The following MKLN1 variants were observed in gnomAD, a reference collection of about 807,000 sequenced individuals.
The protein encoded by MKLN1 is muskelin 1.
A neutral mutation model predicts 99.0 loss-of-function variants in MKLN1; 18 were observed. The ratio of observed to expected loss-of-function variants is 0.18; its 90% CI spans 0.13 to 0.27. MKLN1 has a LOEUF of 0.27. MKLN1 is among the 10% of genes least tolerant of loss of function. MKLN1 has a pLI of 1.00. For synonymous variants in MKLN1, 288 were observed against 293.2 expected, an observed-to-expected ratio of 0.98 and a Z score of 0.18; for missense variants, 621 against 875.9, an observed-to-expected ratio of 0.71 and a Z score of 3.67.
At position 131,492,891 on chromosome 7, in the gene MKLN1, G is replaced by A. The variant is rs1037502582; in HGVS notation, c.*5163G>A. 6.6e-6 allele frequency: 1 copy of A among 152,182 alleles called. No individual in the cohort carries two copies. Among genetic ancestry groups the A allele is most frequent in the African/African-American group, 2.4e-5 (1 of 41,442 alleles). 9.4% of individuals were successfully genotyped at this position (152,182 alleles called of 1,614,324 possible). ...ATAGTAAATTAGTTTCTCTAGTGGT[G>A]CAGAGAGAAATGCCATCGGGGAAAT... On this transcript the variant is annotated 3_prime_UTR_variant, in exon 18 of 18. Coordinates refer to ENST00000352689, the MANE Select transcript of MKLN1 (RefSeq NM_013255.5).
chr7:131,123,524 A>G (rs977767271), intron 1 of MKLN1, among the ~76,000 whole-genome samples: 1 of 152,228 alleles, frequency 6.6e-6, no homozygotes. Flanking sequence ...ACAAAGTACA[A>G]ATAAAAATAG....
At chr7:131,180,827 A>G (rs1272808261) in intron 2 of MKLN1, among the ~76,000 whole-genome samples, 3 of 152,186 alleles carry the variant, frequency 2.0e-5, no homozygotes, top group Non-Finnish European at 4.4e-5. Flanking sequence ...ACTGGTAAAC[A>G]TTTTCATAAA....
intron 3 of MKLN1, among the ~76,000 whole-genome samples, chr7:131,318,608 G>A (rs909854509): frequency 2.0e-5 from 3 of 152,180 alleles, no homozygotes; most frequent in East Asian, 3.9e-4. Flanking sequence ...TAAGATCAAA[G>A]CAGAACTGAA....
intron 1 of MKLN1, among the ~76,000 whole-genome samples, chr7:131,353,355 T>A (rs967517526): frequency 1.6e-4 from 25 of 152,172 alleles, no homozygotes; most frequent in African/African-American, 5.5e-4. Flanking sequence ...TGGCTAGTAA[T>A]GTTGCACATC....
At chr7:131,482,268 C>T (rs1797145493) in intron 17 of MKLN1, among the ~76,000 whole-genome samples, 2 of 152,276 alleles carry the variant, frequency 1.3e-5, no homozygotes, top group South Asian at 4.1e-4. Context: ...AGTCATGGCT[C>T]ACTGCAGCCT....
At chr7:131,172,594 C>A (rs556823840) in intron 2 of MKLN1, among the ~76,000 whole-genome samples, 2 of 152,140 alleles carry the variant, frequency 1.3e-5, no homozygotes, top group Non-Finnish European at 2.9e-5. Flanking sequence ...GGATTACAGG[C>A]GTGAGCCACC....
chr7:131,193,868 C>T (rs975627523), intron 2 of MKLN1, among the ~76,000 whole-genome samples: 2 of 151,268 alleles, frequency 1.3e-5, no homozygotes, highest in African/African-American at 2.4e-5. Flanking sequence ...GCTCAAGCAA[C>T]CCTCCCACCC....
At chr7:131,153,592 T>A (rs60071283) in intron 2 of MKLN1, among the ~76,000 whole-genome samples, 8,669 of 151,616 alleles carry the variant, frequency 0.057, 324 homozygotes, top group East Asian at 0.23. Flanking sequence ...AATGGAGGAC[T>A]GGTTGAATAA....
At position 131,437,836 on chromosome 7, in the gene MKLN1, A is replaced by G. The variant is rs1795719142; in HGVS notation, c.1012A>G (p.Arg338Gly). 6 of 1,613,630 alleles carry G rather than the reference A, an allele frequency of 3.7e-6. No homozygotes were observed. The African/African-American group carries it at 8.0e-5, about 22-fold the overall frequency. Residue 338 changes from arginine to glycine, a missense_variant, in exon 10 of 18, where the codon AGG becomes GGG. This residue lies in a region of MKLN1 where 361 missense variants were observed against 540.8 expected (regional missense o/e 0.67). Coordinates refer to ENST00000352689, the MANE Select transcript of MKLN1 (RefSeq NM_013255.5). Reference sequence around the variant, plus strand: ...TAAAATGTGCATTGATATTCAACGGAGGCAAATCTACACATTGGGGCGTTA... The same window carrying G: ...TAAAATGTGCATTGATATTCAACGGGGGCAAATCTACACATTGGGGCGTTA... ...CHKMCIDIQRRQIYTLGRYLD... is the reference protein window; with the variant it reads ...CHKMCIDIQRGQIYTLGRYLD...
intron 3 of MKLN1, 106 bp downstream of exon 3, chr7:131,387,368 A>T: frequency 9.4e-7 from 1 of 1,066,930 alleles, no homozygotes; most frequent in Non-Finnish European, 1.3e-6. Context: ...AGGAGAAAAG[A>T]GTATTCCTTC....
At chr7:131,279,421 G>A (rs1388883928) in intron 3 of MKLN1, among the ~76,000 whole-genome samples, 1 of 152,144 alleles carries the variant, frequency 6.6e-6, no homozygotes, top group Non-Finnish European at 1.5e-5. Flanking sequence ...AACAGTAATT[G>A]AACTAGAATT....
chr7:131,470,991 G>A (rs778806388), intron 16 of MKLN1, 47 bp downstream of exon 16: 1 of 1,332,246 alleles, frequency 7.5e-7, no homozygotes, highest in Non-Finnish European at 1.1e-6. Context: ...ATTTTTAAAT[G>A]TCTTCCTAAC....
chr7:131,227,797 C>G (rs1797179605), intron 3 of MKLN1, among the ~76,000 whole-genome samples: 1 of 152,038 alleles, frequency 6.6e-6, no homozygotes, highest in Non-Finnish European at 1.5e-5. Context: ...AACTCCTGGC[C>G]TCAAGGAATC....
chr7:131,204,694 G>A lies in MKLN1; in HGVS notation c.-179+1720G>A, dbSNP rs143819962. 2.2e-3 allele frequency among the ~76,000 whole-genome samples: 337 copies of A among 152,208 alleles called. 2 individuals are homozygous for A. Among genetic ancestry groups the A allele is most frequent in the Middle Eastern group, 0.01 (3 of 294 alleles). On this transcript the variant is annotated intron_variant, in intron 3 of 7. Coordinates refer to the MKLN1 transcript ENST00000416992. ...AAAATACAAACATTAGGCCGGGCGC[G>A]GTGGCTCATGCCTGTAATCCCAGCA...
At chr7:131,112,521 G>C (rs1426125585) in intron 1 of MKLN1, among the ~76,000 whole-genome samples, 1 of 152,160 alleles carries the variant, frequency 6.6e-6, no homozygotes. Flanking sequence ...GGAAGCAACA[G>C]GATAAGAGTT....
chr7:131,468,157 T>G (rs1297425574), intron 15 of MKLN1, among the ~76,000 whole-genome samples: 1 of 152,172 alleles, frequency 6.6e-6, no homozygotes, highest in Non-Finnish European at 1.5e-5. Context: ...CCAACAGAAT[T>G]TCTTGATGGA....
At chr7:131,181,366 T>G (rs1209041733) in intron 2 of MKLN1, among the ~76,000 whole-genome samples, 1 of 152,172 alleles carries the variant, frequency 6.6e-6, no homozygotes, top group Non-Finnish European at 1.5e-5. Flanking sequence ...TAAAATGTAT[T>G]GGTATTTAGT....
intron 1 of MKLN1, among the ~76,000 whole-genome samples, chr7:131,140,703 C>A (rs1376768360): frequency 6.6e-6 from 1 of 152,044 alleles, no homozygotes; most frequent in Non-Finnish European, 1.5e-5. Context: ...CCAAATAAAC[C>A]TTTTTTCTTT....
At chr7:131,390,044 C>T (rs746463393) in intron 4 of MKLN1, among the ~76,000 whole-genome samples, 1 of 152,072 alleles carries the variant, frequency 6.6e-6, no homozygotes. Flanking sequence ...AATAATTACT[C>T]TTTTGGAGCA....
Sources: gnomAD v4.1 joint callset for allele counts (sites outside exome capture counted in the v4.1 genomes callset) on GRCh38, gnomAD v4.1.1 for gene constraint, gnomAD v4.1.1 regional missense constraint, MANE v1.5 for transcripts, NCBI Gene and HGNC (gene_info 2026-07-23, HGNC 2026-07-21) for gene names.